Variants in ITGAM observed in about 807,000 individuals in gnomAD.
ITGAM encodes the protein integrin subunit alpha M, also known as integrin alpha-M.
In ITGAM, 79 loss-of-function variants were observed where a neutral mutation model predicts 137.5. That is an observed-to-expected ratio of 0.57 (90% CI 0.48 to 0.69). The LOEUF (loss-of-function observed/expected upper bound fraction) is 0.69. Ranked by LOEUF, ITGAM falls within the 30% of genes least tolerant of loss-of-function variation. The pLI is 0.00. For synonymous variants in ITGAM, 583 were observed against 592.3 expected, an observed-to-expected ratio of 0.98 and a Z score of 0.23; for missense variants, 1,343 against 1,483.5, an observed-to-expected ratio of 0.91 and a Z score of 1.56.
chr16:31,301,417 G>T (rs2080195984), intron 14 of ITGAM, among the ~76,000 whole-genome samples: 1 of 152,036 alleles, frequency 6.6e-6, no homozygotes, highest in Non-Finnish European at 1.5e-5. Context: ...TGTTCCATTT[G>T]TCTATATGTC....
intron 12 of ITGAM, among the ~76,000 whole-genome samples, chr16:31,284,886 T>A (rs901279541): frequency 8.6e-5 from 13 of 151,842 alleles, no homozygotes; most frequent in South Asian, 6.2e-4. Flanking sequence ...AAAAAAAAAA[T>A]TTCAGGCAGG....
In ITGAM at chr16:31,328,180, A is replaced by G; in HGVS notation, c.2742A>G (p.Glu914=). 1 of 1,613,984 alleles carries G rather than the reference A, an allele frequency of 6.2e-7. No individual in the cohort carries two copies. Among genetic ancestry groups the G allele is most frequent in the Non-Finnish European group, 8.5e-7 (1 of 1,179,876 alleles). Residue 914 remains glutamate (E), a synonymous_variant, in exon 23 of 30, where the codon GAA becomes GAG. Coordinates refer to ENST00000544665, the MANE Select transcript of ITGAM (RefSeq NM_000632.4). ...ENNMPRTNKT[E]FQLELPVKYA... ...ACATGCCCAGAACCAACAAAACCGA[A>G]TTCCAACTGGAGCTGCCGGTGAAAT... is the stretch of plus-strand genomic sequence containing the variant.
intron 14 of ITGAM, among the ~76,000 whole-genome samples, chr16:31,302,462 T>C (rs62051474): frequency 0.62 from 57,822 of 92,808 alleles, 17,383 homozygotes; most frequent in East Asian, 0.93. Context: ...TTCCTTCCTT[T>C]CTTTCTTTCT....
At chr16:31,321,406 C>T (rs1369830021) in intron 15 of ITGAM, 35 bp downstream of exon 15, 1 of 1,613,690 alleles carries the variant, frequency 6.2e-7, no homozygotes. Flanking sequence ...CGGACATTCT[C>T]CCTTGAAGGA....
At chr16:31,330,246 G>A (rs967576143) in intron 26 of ITGAM, 62 bp from the exon 27 acceptor site, 6 of 1,584,742 alleles carry the variant, frequency 3.8e-6, no homozygotes, top group South Asian at 1.1e-5. Flanking sequence ...CTGAGCAAAC[G>A]GGGAGGGGTG....
chr16:31,290,017 G>T (rs1304286935), intron 12 of ITGAM, among the ~76,000 whole-genome samples: 4 of 147,228 alleles, frequency 2.7e-5, no homozygotes, highest in Non-Finnish European at 3.0e-5. Context: ...GGAGGCAGAG[G>T]TTATGGTGAG....
At chr16:31,331,418 G>T (rs1268516677) in intron 29 of ITGAM, 143 bp downstream of exon 29, 1 of 678,126 alleles carries the variant, frequency 1.5e-6, no homozygotes, top group South Asian at 1.8e-5. Context: ...GTCTCTTAGG[G>T]AGGGTGGCCG....
chr16:31,279,018 C>G (rs1326950673), intron 12 of ITGAM, among the ~76,000 whole-genome samples: 2 of 152,080 alleles, frequency 1.3e-5, no homozygotes, highest in African/African-American at 2.4e-5. Context: ...ACAGTTTGCT[C>G]AGAATGATGG....
intron 8 of ITGAM, among the ~76,000 whole-genome samples, chr16:31,274,565 C>T (rs962971068): frequency 4.6e-5 from 7 of 151,900 alleles, no homozygotes; most frequent in African/African-American, 1.7e-4. Flanking sequence ...TGTTTGCATC[C>T]TTATCTGGTT....
At chr16:31,330,919 A>C (rs145822160) in intron 28 of ITGAM, among the ~76,000 whole-genome samples, 1 of 141,758 alleles carries the variant, frequency 7.1e-6, no homozygotes, top group Non-Finnish European at 1.5e-5. Context: ...AGCGCGACAG[A>C]GACAGAGACA....
In ITGAM at chr16:31,275,612, C is replaced by T; in HGVS notation, c.922C>T (p.Pro308Ser). The part of the protein sequence containing the change: ...QELNTIASKP[P>S]RDHVFQVNNF... Reference sequence around the variant, plus strand: ...GCTTAATACCATCGCATCCAAGCCGCCTCGTGATCACGTGTTCCAGGTGAA... The same window carrying T: ...GCTTAATACCATCGCATCCAAGCCGTCTCGTGATCACGTGTTCCAGGTGAA... Residue 308 changes from proline to serine, a missense_variant, in exon 9 of 30, where the codon CCT becomes TCT. By Grantham distance (74) the Pro-to-Ser change is moderately conservative. Coordinates refer to ENST00000544665, the MANE Select transcript of ITGAM (RefSeq NM_000632.4). 6.2e-7 allele frequency: 1 copy of T among 1,613,974 alleles called. No homozygotes were observed. The highest frequency in any genetic ancestry group is 8.5e-7 in the Non-Finnish European group (1 of 1,179,876).
At chr16:31,329,714 C>A in intron 24 of ITGAM, 84 bp from the exon 25 acceptor site, 2 of 1,191,638 alleles carry the variant, frequency 1.7e-6, no homozygotes, top group Non-Finnish European at 2.4e-6. Flanking sequence ...GGGCCTATGG[C>A]CTGCCCCGTG....
chr16:31,326,207 C>T lies in ITGAM; in HGVS notation c.2628+585C>T, dbSNP rs41371846. 4.8e-3 allele frequency among the ~76,000 whole-genome samples: 726 copies of T among 152,200 alleles called. 3 individuals are homozygous for T. The highest frequency in any genetic ancestry group is 0.017 in the African/African-American group (701 of 41,510). ...ACAAAGAGCTTCTGTTCCCGTTGGC[C>T]CTCAGCCCCAGTCCTCCCATATCCC... is the stretch of plus-strand genomic sequence containing the variant. On this transcript the variant is annotated intron_variant, in intron 21 of 29. Coordinates refer to ENST00000544665, the MANE Select transcript of ITGAM (RefSeq NM_000632.4).
chr16:31,290,097 A>G (rs933041184), intron 12 of ITGAM, among the ~76,000 whole-genome samples: 3 of 151,882 alleles, frequency 2.0e-5, no homozygotes, highest in African/African-American at 7.3e-5. Context: ...AAAAAAAAAA[A>G]AAAAGAAATA....
chr16:31,275,648 G>A lies in ITGAM; in HGVS notation c.958G>A (p.Ala320Thr). The A allele has an allele frequency of 1.2e-6, 2 of 1,613,880 alleles. No individual in the cohort carries two copies. Among genetic ancestry groups the A allele is most frequent in the Non-Finnish European group, 1.7e-6 (2 of 1,179,870 alleles). ...DHVFQVNNFE[A>T]LKTIQNQLRE... ...CGTGTTCCAGGTGAATAACTTTGAGGCTCTGAAGACCATTCAGAACCAGCT... is the reference window on the plus strand; with the variant it reads ...CGTGTTCCAGGTGAATAACTTTGAGACTCTGAAGACCATTCAGAACCAGCT... The change falls in exon 9 of 30, where the codon GCT becomes ACT. Residue 320 changes from alanine (A) to threonine (T), a missense_variant. Physicochemically the swap from Ala to Thr is moderately conservative, Grantham distance 58. Transcript: ENST00000544665.
chr16:31,275,242 G>A (rs957076587), intron 8 of ITGAM, among the ~76,000 whole-genome samples: 5 of 152,148 alleles, frequency 3.3e-5, no homozygotes, highest in Non-Finnish European at 7.3e-5. Flanking sequence ...GCCTTGGCAC[G>A]TAGGACATAC....
intron 12 of ITGAM, among the ~76,000 whole-genome samples, chr16:31,283,236 T>C (rs1420875729): frequency 1.3e-5 from 2 of 152,208 alleles, no homozygotes; most frequent in African/African-American, 4.8e-5. Flanking sequence ...TGTGGTGTTC[T>C]CTGTATTTCC....
intron 14 of ITGAM, among the ~76,000 whole-genome samples, chr16:31,315,647 C>T (rs1039853902): frequency 3.3e-5 from 5 of 151,004 alleles, no homozygotes; most frequent in South Asian, 2.1e-4. Flanking sequence ...TTAATAGAGA[C>T]GGGGTTTCAC....
chr16:31,323,109 G>A (rs2080467507), intron 16 of ITGAM, among the ~76,000 whole-genome samples: 2 of 151,760 alleles, frequency 1.3e-5, no homozygotes, highest in South Asian at 4.2e-4. Context: ...GGAATAGGAT[G>A]GAATAGGAAA....
Sources: allele counts gnomAD v4.1 joint callset (sites outside exome capture counted in the v4.1 genomes callset), GRCh38; gene constraint gnomAD v4.1.1; transcripts MANE v1.5; gene names NCBI Gene and HGNC (gene_info 2026-07-23, HGNC 2026-07-21).